Variants in DPP8 observed in about 807,000 individuals in gnomAD.
The protein encoded by DPP8 is dipeptidyl peptidase 8.
DPP8 carries 31 observed loss-of-function variants against 107.5 expected under a neutral mutation model. That is an observed-to-expected ratio of 0.29 (90% CI 0.22 to 0.39). The LOEUF (loss-of-function observed/expected upper bound fraction) is 0.39, where lower values mean the gene tolerates loss of function less well. Among genes scored for constraint, DPP8 ranks in the 10% least tolerant of loss-of-function variants. DPP8 has a pLI of 1.00. For missense variants in DPP8, 842 were observed against 1,076.1 expected, an observed-to-expected ratio of 0.78 and a Z score of 3.04; for synonymous variants, 381 against 356.6, an observed-to-expected ratio of 1.07 and a Z score of -0.77.
At chr15:65,470,553 CCAA>C (rs1040769394) in intron 12 of DPP8, among the ~76,000 whole-genome samples, 7 of 148,322 alleles carry the variant, frequency 4.7e-5, no homozygotes, top group African/African-American at 1.8e-4. Context: ...TTACAGTGAG[CCAA>C]CATCGCACCA....
At chr15:65,460,881 T>G (rs1052387447) in intron 15 of DPP8, among the ~76,000 whole-genome samples, 5 of 152,234 alleles carry the variant, frequency 3.3e-5, no homozygotes, top group African/African-American at 1.2e-4. Flanking sequence ...AATTCTATGT[T>G]TGACATTTTG....
intron 1 of DPP8, 125 bp from the exon 2 acceptor site, chr15:65,512,689 G>C (rs1234890205): frequency 2.2e-6 from 2 of 895,508 alleles, no homozygotes; most frequent in Non-Finnish European, 3.4e-6. Flanking sequence ...TTTTAGCACA[G>C]CTGCAATGAA....
intron 4 of DPP8, among the ~76,000 whole-genome samples, chr15:65,499,020 T>C (rs1217980489): frequency 6.6e-6 from 1 of 150,618 alleles, no homozygotes; most frequent in Admixed American, 6.7e-5. Flanking sequence ...ATCTTGCCAC[T>C]GCACTCCAGC....
At position 65,467,148 on chromosome 15, in the gene DPP8, C is replaced by A. The variant is rs751632817; in HGVS notation, c.1612G>T (p.Val538Leu). The change falls in exon 13 of 20, where the codon GTA becomes TTA. Residue 538 changes from valine (V) to leucine (L), a missense_variant. This residue lies in a region of DPP8 where 663 missense variants were observed against 758.0 expected (regional missense o/e 0.87). Transcript: ENST00000300141. ...KDSPLEHHLY[V>L]VSYVNPGEVT... is the part of the protein sequence containing the mutation. ...TCTCCAGGATTTACGTAACTGACTA[C>A]GTACAGGTGATGCTCTAAAGGGGAG... 1 of 1,614,116 alleles carries A rather than the reference C, an allele frequency of 6.2e-7. No individual in the cohort carries two copies. The highest frequency in any genetic ancestry group is 8.5e-7 in the Non-Finnish European group (1 of 1,179,990).
At chr15:65,448,870 A>ATATGTGTGTGTGTGTGTGTG (rs2063715383) in intron 19 of DPP8, among the ~76,000 whole-genome samples, 8 of 6,344 alleles carry the variant, frequency 1.3e-3, no homozygotes, top group African/African-American at 4.9e-3. Flanking sequence ...TCTAAAATAT[A>ATATGTGTGTGTGTGTGTGTG]TATATATATA....
chr15:65,511,788 T>C (rs1250941578), intron 2 of DPP8, among the ~76,000 whole-genome samples: 1 of 151,908 alleles, frequency 6.6e-6, no homozygotes, highest in African/African-American at 2.4e-5. Context: ...ATAAAATTTA[T>C]ATTGGAAATA....
At chr15:65,515,781 A>G (rs2071378292) in intron 1 of DPP8, 1 of 1,248,360 alleles carries the variant, frequency 8.0e-7, no homozygotes, top group Admixed American at 1.8e-5. Flanking sequence ...TCCTTTCCTC[A>G]CCATCAAAGC....
At chr15:65,508,744 C>G (rs1419851978) in intron 2 of DPP8, among the ~76,000 whole-genome samples, 1 of 151,426 alleles carries the variant, frequency 6.6e-6, no homozygotes, top group African/African-American at 2.4e-5. Context: ...CCCAGCTACT[C>G]GGGAGGCTGA....
chr15:65,483,168 G>T (rs1196458228), intron 8 of DPP8, among the ~76,000 whole-genome samples: 1 of 151,942 alleles, frequency 6.6e-6, no homozygotes, highest in Non-Finnish European at 1.5e-5. Flanking sequence ...TAATGGACAA[G>T]AAGAAGTATT....
intron 14 of DPP8, among the ~76,000 whole-genome samples, chr15:65,465,985 T>TATC (rs1475494497): frequency 6.6e-6 from 1 of 152,222 alleles, no homozygotes; most frequent in East Asian, 1.9e-4. Context: ...TTAAGAAAGC[T>TATC]ATCAGCTGGT....
chr15:65,516,417 T>G (rs1256062617), intron 1 of DPP8: 1 of 151,852 alleles, frequency 6.6e-6, no homozygotes, highest in African/African-American at 2.4e-5. Context: ...TTAAACTTGT[T>G]GAAATTCTGG....
At chr15:65,450,003 T>G (rs902824680) in intron 19 of DPP8, among the ~76,000 whole-genome samples, 1 of 97,390 alleles carries the variant, frequency 1.0e-5, no homozygotes, top group African/African-American at 3.5e-5. Flanking sequence ...GTTTCACTCT[T>G]GTTGCCCAGG....
intron 16 of DPP8, chr15:65,455,665 A>G: frequency 8.4e-7 from 1 of 1,195,770 alleles, no homozygotes; most frequent in Non-Finnish European, 1.1e-6. Context: ...TGAGAATACA[A>G]CATAAGGTCA....
intron 7 of DPP8, among the ~76,000 whole-genome samples, chr15:65,486,758 A>T (rs1212163297): frequency 1.3e-5 from 2 of 152,216 alleles, no homozygotes; most frequent in Non-Finnish European, 2.9e-5. Context: ...TCATGTTCTC[A>T]CTGATAAGTG....
At chr15:65,493,268 G>C (rs915607766) in intron 5 of DPP8, among the ~76,000 whole-genome samples, 4 of 152,092 alleles carry the variant, frequency 2.6e-5, no homozygotes, top group Admixed American at 6.6e-5. Flanking sequence ...TTTTAGTAGA[G>C]ACAGGGTTTC....
chr15:65,453,877 G>A (rs889515111), intron 17 of DPP8, among the ~76,000 whole-genome samples: 2 of 152,018 alleles, frequency 1.3e-5, no homozygotes, highest in Non-Finnish European at 2.9e-5. Context: ...GGAGGCCAAC[G>A]CAGGTGGATC....
intron 1 of DPP8, chr15:65,516,832 C>A (rs2071497997): frequency 1.3e-5 from 2 of 152,222 alleles, no homozygotes; most frequent in Non-Finnish European, 2.9e-5. Context: ...GGGGCAAAGA[C>A]CTTGAAAAAC....
intron 12 of DPP8, among the ~76,000 whole-genome samples, chr15:65,472,978 T>C (rs2066036389): frequency 6.6e-6 from 1 of 150,874 alleles, no homozygotes; most frequent in Non-Finnish European, 1.5e-5. Context: ...GCAGAGGTTG[T>C]AGTGAGCCAA....
At chr15:65,488,772 T>C (rs2067701326) in intron 6 of DPP8, among the ~76,000 whole-genome samples, 2 of 152,206 alleles carry the variant, frequency 1.3e-5, no homozygotes, top group South Asian at 2.1e-4. Context: ...AACTGGATCA[T>C]GGTCAAAAAG....
Sources: gnomAD v4.1 joint callset for allele counts (sites outside exome capture counted in the v4.1 genomes callset) on GRCh38, gnomAD v4.1.1 for gene constraint, gnomAD v4.1.1 regional missense constraint, MANE v1.5 for transcripts, NCBI Gene and HGNC (gene_info 2026-07-23, HGNC 2026-07-21) for gene names.